EPHA5: variants seen among roughly 807,000 people sequenced by gnomAD.
The protein encoded by EPHA5 is EPH receptor A5.
EPHA5 carries 60 observed loss-of-function variants against 105.0 expected under a neutral mutation model. The observed-to-expected ratio is 0.57, with a 90% CI of 0.46 to 0.71. The LOEUF (loss-of-function observed/expected upper bound fraction) is 0.71, where lower values mean the gene tolerates loss of function less well. Ranked by LOEUF, EPHA5 falls within the 30% of genes least tolerant of loss-of-function variation. The pLI is 0.00. For synonymous variants in EPHA5, 513 were observed against 449.1 expected, an observed-to-expected ratio of 1.14 and a Z score of -1.80; for missense variants, 1,218 against 1,274.7, an observed-to-expected ratio of 0.96 and a Z score of 0.68.
chr4:65,426,873 G>A (rs906758190), intron 5 of EPHA5, among the ~76,000 whole-genome samples: 1 of 151,924 alleles, frequency 6.6e-6, no homozygotes, highest in South Asian at 2.1e-4. Flanking sequence ...AATATAGGTA[G>A]AACTATATTT....
At chr4:65,367,734 T>A (rs970552365) in intron 8 of EPHA5, among the ~76,000 whole-genome samples, 4 of 152,090 alleles carry the variant, frequency 2.6e-5, no homozygotes, top group Non-Finnish European at 2.9e-5. Flanking sequence ...TACTTTATTT[T>A]ATTTTTATTT....
At chr4:65,637,472 T>A (rs773409979) in intron 2 of EPHA5, among the ~76,000 whole-genome samples, 21 of 150,514 alleles carry the variant, frequency 1.4e-4, no homozygotes, top group Non-Finnish European at 2.1e-4. Context: ...TCCTGAAATA[T>A]CCAATTAACA....
At chr4:65,404,534 A>G (rs1386078665) in intron 7 of EPHA5, 55 bp from the exon 8 acceptor site, 4 of 1,512,940 alleles carry the variant, frequency 2.6e-6, no homozygotes, top group Non-Finnish European at 3.7e-6. Flanking sequence ...CATGCATTCA[A>G]AATAAAAGTT....
At chr4:65,486,612 A>T (rs867264554) in intron 5 of EPHA5, among the ~76,000 whole-genome samples, 2 of 152,258 alleles carry the variant, frequency 1.3e-5, no homozygotes, top group Non-Finnish European at 1.5e-5. Context: ...TGCTGAAAAA[A>T]GTTTTATATA....
chr4:65,474,209 T>C (rs1259484506), intron 5 of EPHA5, among the ~76,000 whole-genome samples: 1 of 152,156 alleles, frequency 6.6e-6, no homozygotes, highest in Non-Finnish European at 1.5e-5. Context: ...AATATGAATA[T>C]ACTGTAGATG....
chr4:65,574,066 A>C, intron 3 of EPHA5: 1 of 1,601,624 alleles, frequency 6.2e-7, no homozygotes, highest in Non-Finnish European at 8.6e-7. Context: ...ACCAAAATCG[A>C]TATCAGCAAT....
intron 11 of EPHA5, among the ~76,000 whole-genome samples, chr4:65,358,822 G>T (rs1285515511): frequency 6.6e-6 from 1 of 151,532 alleles, no homozygotes; most frequent in African/African-American, 2.4e-5. Context: ...AATGCAAAAT[G>T]TCTCTATGGG....
At chr4:65,539,595 G>A (rs1048697162) in intron 3 of EPHA5, among the ~76,000 whole-genome samples, 3 of 151,584 alleles carry the variant, frequency 2.0e-5, no homozygotes, top group Admixed American at 6.6e-5. Context: ...TCTGCAATTT[G>A]ATCAATAGAG....
chr4:65,611,677 T>C (rs1744773076), intron 2 of EPHA5, among the ~76,000 whole-genome samples: 1 of 152,156 alleles, frequency 6.6e-6, no homozygotes, highest in Non-Finnish European at 1.5e-5. Flanking sequence ...AATATTATGC[T>C]TCTGATGCAA....
chr4:65,640,275 GTTTTTTCT>G (rs1198977940), intron 2 of EPHA5, among the ~76,000 whole-genome samples: 6 of 130,192 alleles, frequency 4.6e-5, no homozygotes, highest in Non-Finnish European at 7.8e-5. Flanking sequence ...TCATTGCTCA[GTTTTTTCT>G]TTTTTTTTTT....
At chr4:65,396,267 G>A (rs1370089289) in intron 8 of EPHA5, among the ~76,000 whole-genome samples, 2 of 152,222 alleles carry the variant, frequency 1.3e-5, no homozygotes, top group East Asian at 1.9e-4. Flanking sequence ...ATTGATTAGG[G>A]TCCTAGTTCC....
intron 3 of EPHA5, among the ~76,000 whole-genome samples, chr4:65,500,309 A>T (rs1372571436): frequency 6.6e-6 from 1 of 151,364 alleles, no homozygotes; most frequent in Admixed American, 6.6e-5. Context: ...GACATGTTTC[A>T]TGAGACTATT....
chr4:65,614,372 CAG>C (rs1224773353), intron 2 of EPHA5, among the ~76,000 whole-genome samples: 2 of 151,722 alleles, frequency 1.3e-5, no homozygotes, highest in Non-Finnish European at 3.0e-5. Flanking sequence ...AGTAAAGAAA[CAG>C]AATGTTTTAA....
chr4:65,426,781 T>G (rs911727930), intron 5 of EPHA5, among the ~76,000 whole-genome samples: 10 of 152,282 alleles, frequency 6.6e-5, no homozygotes, highest in African/African-American at 2.4e-4. Context: ...TCTCACCACC[T>G]GTCATCCAGT....
intron 3 of EPHA5, among the ~76,000 whole-genome samples, chr4:65,535,854 C>A (rs1051137186): frequency 3.3e-5 from 5 of 151,854 alleles, no homozygotes; most frequent in African/African-American, 7.3e-5. Flanking sequence ...GGAATCCAAT[C>A]TAATTAGAAA....
At chr4:65,560,062 A>T (rs1342113634) in intron 3 of EPHA5, among the ~76,000 whole-genome samples, 1 of 152,104 alleles carries the variant, frequency 6.6e-6, no homozygotes, top group Non-Finnish European at 1.5e-5. Context: ...AGAAAGCTTG[A>T]TTTTTTATGA....
chr4:65,621,977 A>G (rs968096800), intron 2 of EPHA5, among the ~76,000 whole-genome samples: 12 of 152,196 alleles, frequency 7.9e-5, no homozygotes, highest in Admixed American at 1.3e-4. Flanking sequence ...GCTACAGTCC[A>G]TTAAATTAAT....
At chr4:65,559,859 A>G (rs1369644100) in intron 3 of EPHA5, among the ~76,000 whole-genome samples, 1 of 152,162 alleles carries the variant, frequency 6.6e-6, no homozygotes, top group Non-Finnish European at 1.5e-5. Flanking sequence ...TTTCGGACAG[A>G]ATAAAATGTC....
chr4:65,512,763 A>G (rs1345190956), intron 3 of EPHA5, among the ~76,000 whole-genome samples: 1 of 152,162 alleles, frequency 6.6e-6, no homozygotes, highest in Admixed American at 6.6e-5. Context: ...AGACAGACTA[A>G]TACAACATTT....
Sources: gnomAD v4.1 joint callset for allele counts (sites outside exome capture counted in the v4.1 genomes callset) on GRCh38, gnomAD v4.1.1 for gene constraint, MANE v1.5 for transcripts, NCBI Gene and HGNC (gene_info 2026-07-23, HGNC 2026-07-21) for gene names.